The following DHRSX variants were observed in gnomAD, a reference collection of about 807,000 sequenced individuals.
DHRSX encodes the protein polyprenol dehydrogenase.
In DHRSX, 31 loss-of-function variants were observed where a neutral mutation model predicts 34.0. That is an observed-to-expected ratio of 0.91 (90% CI 0.69 to 1.23). The LOEUF (loss-of-function observed/expected upper bound fraction) is 1.23, where lower values mean the gene tolerates loss of function less well. Ranked by LOEUF, DHRSX falls within the 50% of genes most tolerant of loss-of-function variation. DHRSX has a pLI of 0.00. For synonymous variants in DHRSX, 201 were observed against 183.8 expected (o/e 1.09, Z -0.76); for missense variants, 414 against 428.1 (o/e 0.97, Z 0.29).
intron 1 of DHRSX, among the ~76,000 whole-genome samples, chrX:2,458,018 C>A (rs182274117): frequency 5.6e-4 from 82 of 145,356 alleles, no homozygotes; most frequent in African/African-American, 2.0e-3. Flanking sequence ...CCTAAGAATG[C>A]GGCCAAGGGA....
intron 3 of DHRSX, among the ~76,000 whole-genome samples, chrX:2,314,197 GA>G (rs1365555422): frequency 3.5e-4 from 31 of 88,316 alleles, no homozygotes; most frequent in South Asian, 2.5e-3. Context: ...GGGAAGGAGG[GA>G]AGGAAGAGAG....
chrX:2,383,808 A>G (rs1198388941), intron 3 of DHRSX, among the ~76,000 whole-genome samples: 1 of 152,218 alleles, frequency 6.6e-6, no homozygotes, highest in Non-Finnish European at 1.5e-5. Flanking sequence ...GCTTTACAGC[A>G]TGCTATAAAA....
intron 1 of DHRSX, among the ~76,000 whole-genome samples, chrX:2,479,968 C>T (rs1307316536): frequency 6.6e-6 from 1 of 152,164 alleles, no homozygotes; most frequent in African/African-American, 2.4e-5. Flanking sequence ...GCCTGCGAAA[C>T]ACCAAAGGAA....
At chrX:2,318,357 A>C (rs1374343913) in intron 3 of DHRSX, among the ~76,000 whole-genome samples, 1 of 151,978 alleles carries the variant, frequency 6.6e-6, no homozygotes. Flanking sequence ...TCTCAAAAAA[A>C]AAAAAAGATA....
intron 3 of DHRSX, among the ~76,000 whole-genome samples, chrX:2,311,348 CCT>C (rs910318570): frequency 2.8e-4 from 42 of 152,190 alleles, no homozygotes; most frequent in African/African-American, 7.5e-4. Context: ...CGATGGCCCT[CCT>C]CTCCCTCTTG....
intron 3 of DHRSX, among the ~76,000 whole-genome samples, chrX:2,338,748 T>C (rs1351094940): frequency 6.6e-6 from 1 of 152,106 alleles, no homozygotes; most frequent in Admixed American, 6.6e-5. Context: ...CCTGTGCTTC[T>C]TGTACAGCCT....
chrX:2,307,773 A>G (rs2042116130), intron 3 of DHRSX, among the ~76,000 whole-genome samples: 1 of 150,370 alleles, frequency 6.7e-6, no homozygotes. Flanking sequence ...TCAAAAAAAA[A>G]AAAAAGTAAT....
At chrX:2,357,695 GA>G (rs2042873213) in intron 3 of DHRSX, among the ~76,000 whole-genome samples, 1 of 131,186 alleles carries the variant, frequency 7.6e-6, no homozygotes, top group Non-Finnish European at 1.6e-5. Context: ...TGGGACTCAG[GA>G]AATTAAAAAA....
At chrX:2,227,366 AAG>A (rs199850999) in intron 6 of DHRSX, among the ~76,000 whole-genome samples, 4,071 of 151,442 alleles carry the variant, frequency 0.027, 199 homozygotes, top group African/African-American at 0.093. Flanking sequence ...AGGAAGAAGA[AAG>A]GAGGAAATAG....
Position 2,286,429 on chromosome X carries a change from G to A in DHRSX, c.388+5073C>T, listed in dbSNP as rs140711715. On this transcript the variant is annotated intron_variant, in intron 4 of 6. Coordinates refer to ENST00000334651, the MANE Select transcript of DHRSX (RefSeq NM_145177.3). ...TCTCAGCATAGACTGTGCCATCTGG[G>A]CTACTTCTGGCTTGAGGAGCACTTA... Among the ~76,000 whole-genome samples, 174 of 152,322 alleles carry A rather than the reference G, an allele frequency of 1.1e-3. 2 individuals are homozygous for A. The East Asian group carries it at 0.031, about 27-fold the overall frequency.
At chrX:2,372,459 CAT>C (rs1439250464) in intron 3 of DHRSX, among the ~76,000 whole-genome samples, 2 of 152,034 alleles carry the variant, frequency 1.3e-5, no homozygotes, top group Admixed American at 6.6e-5. Context: ...ACAAATGAAA[CAT>C]AAATTCCAGG....
intron 3 of DHRSX, among the ~76,000 whole-genome samples, chrX:2,388,388 G>A (rs1027738993): frequency 1.3e-5 from 2 of 152,116 alleles, no homozygotes; most frequent in African/African-American, 2.4e-5. Flanking sequence ...CAGGGGGTTG[G>A]GGGGAGGCTG....
intron 1 of DHRSX, among the ~76,000 whole-genome samples, chrX:2,471,495 T>C (rs1273536956): frequency 2.0e-5 from 3 of 151,498 alleles, no homozygotes; most frequent in Non-Finnish European, 4.4e-5. Flanking sequence ...ACCCGGGAGA[T>C]GTTGGCTGCA....
intron 1 of DHRSX, among the ~76,000 whole-genome samples, chrX:2,459,283 A>T (rs371743101): frequency 3.9e-4 from 60 of 152,182 alleles, no homozygotes; most frequent in African/African-American, 1.3e-3. Context: ...ACATATTCTC[A>T]TCACCAAAAA....
chrX:2,379,444 G>C (rs1423910040), intron 3 of DHRSX, among the ~76,000 whole-genome samples: 4 of 152,138 alleles, frequency 2.6e-5, no homozygotes, highest in Non-Finnish European at 5.9e-5. Flanking sequence ...TGAGTTATCT[G>C]TGAATGAGGA....
intron 1 of DHRSX, among the ~76,000 whole-genome samples, chrX:2,460,916 C>T (rs932056059): frequency 9.2e-5 from 14 of 151,968 alleles, no homozygotes; most frequent in African/African-American, 2.4e-4. Context: ...CACAGGATCT[C>T]GCTGTTTGCC....
At position 2,488,742 on chromosome X, in the gene DHRSX, C is replaced by T. The variant is rs748400336; in HGVS notation, c.109+12075G>A. 11 of 1,613,828 alleles carry T rather than the reference C, an allele frequency of 6.8e-6. No individual in the cohort carries two copies. In the South Asian group the frequency reaches 7.7e-5, roughly 11 times the overall value. On this transcript the variant is annotated intron_variant, in intron 1 of 6. Transcript: ENST00000334651. The stretch of plus-strand genomic sequence containing the variant: ...CCCCACTCCCCCTCGTCCTGGTCCT[C>T]GGGTTCCGCCTCTGCCCCACTCCGG...
intron 3 of DHRSX, among the ~76,000 whole-genome samples, chrX:2,397,930 G>GCGCACACACA (rs1556505705): frequency 7.2e-6 from 1 of 138,430 alleles, no homozygotes; most frequent in African/African-American, 2.9e-5. Flanking sequence ...CTCAGAGCGC[G>GCGCACACACA]CACACACACA....
At chrX:2,448,538 CTTG>C (rs1379245459) in intron 1 of DHRSX, among the ~76,000 whole-genome samples, 3 of 148,934 alleles carry the variant, frequency 2.0e-5, no homozygotes, top group East Asian at 3.9e-4. Flanking sequence ...TGTTAATTAG[CTTG>C]TTAATATGTT....
Sources: allele counts gnomAD v4.1 joint callset (sites outside exome capture counted in the v4.1 genomes callset), GRCh38; gene constraint gnomAD v4.1.1; transcripts MANE v1.5; gene names NCBI Gene and HGNC (gene_info 2026-07-23, HGNC 2026-07-21).